Variants in ZNF462 observed in about 807,000 individuals in gnomAD.
The protein encoded by ZNF462 is zinc finger PBX1-interacting protein.
ZNF462 carries 10 observed loss-of-function variants against 201.9 expected under a neutral mutation model. The ratio of observed to expected loss-of-function variants is 0.05; its 90% confidence interval spans 0.03 to 0.08. ZNF462 has a LOEUF of 0.08. ZNF462 is among the 10% of genes least tolerant of loss of function. The pLI is 1.00. For synonymous variants in ZNF462, 1,227 were observed against 1,193.3 expected, an observed-to-expected ratio of 1.03 and a Z score of -0.58; for missense variants, 2,523 against 3,168.3, an observed-to-expected ratio of 0.80 and a Z score of 4.89.
intron 7 of ZNF462, among the ~76,000 whole-genome samples, chr9:106,940,213 A>G (rs1371796865): frequency 6.6e-6 from 1 of 152,212 alleles, no homozygotes; most frequent in Non-Finnish European, 1.5e-5. Flanking sequence ...ATTAATGAGA[A>G]AAGATACGCA....
rs1021921951 is a variant in ZNF462 at position 106,945,510 on chromosome 9, A to G, written c.6427+6403A>G. Among the ~76,000 whole-genome samples the G allele has an allele frequency of 3.9e-5, 6 of 152,334 alleles. No homozygotes were observed. In the East Asian group the frequency reaches 1.2e-3, roughly 29 times the overall value. On this transcript the variant is annotated intron_variant, in intron 7 of 12. Transcript: ENST00000277225. The stretch of plus-strand genomic sequence containing the variant: ...AAAGAAAAAATGAGGTGGTTTCTTT[A>G]AAAACGACAATCATGAAATGGAGAC...
At chr9:106,864,042 CTCTCTCTCTCTCTCTCTCTCTCTCT>C (rs1827183054) in intron 1 of ZNF462, among the ~76,000 whole-genome samples, 1 of 19,004 alleles carries the variant, frequency 5.3e-5, no homozygotes, top group African/African-American at 3.3e-4. Context: ...GTATTTGGCT[CTCTCTCTCTCTCTCTCTCTCTCTCT>C]CTCTCTCTCT....
rs10978673 is a variant in ZNF462 at position 106,920,590 on chromosome 9, A to T, written c.-30-2764A>T. ...ACATTAAAGCTAGAACCCATTAGGAAATCACTTTCATCATCTCTTCTTTTT... is the reference window on the plus strand; with the variant it reads ...ACATTAAAGCTAGAACCCATTAGGATATCACTTTCATCATCTCTTCTTTTT... On this transcript the variant is annotated intron_variant, in intron 1 of 12. Coordinates refer to ENST00000277225, the MANE Select transcript of ZNF462 (RefSeq NM_021224.6). The surrounding 1 kb of genome is among the most constrained non-coding windows in gnomAD (Gnocchi z 4.3). Among the ~76,000 whole-genome samples, 19,380 of 152,180 alleles carry T rather than the reference A, an allele frequency of 0.13. 1,296 individuals carry two copies. Among genetic ancestry groups the T allele is most frequent in the South Asian group, 0.19 (906 of 4,828 alleles).
At chr9:106,949,360 A>T (rs533893276) in intron 7 of ZNF462, among the ~76,000 whole-genome samples, 5 of 152,214 alleles carry the variant, frequency 3.3e-5, no homozygotes, top group African/African-American at 1.2e-4. Flanking sequence ...AACCGCACAC[A>T]AGGAAAGCCA....
rs745839801 is a variant in ZNF462 at position 106,926,924 on chromosome 9, C to A, written c.3012C>A (p.Phe1004Leu). The A allele has an allele frequency of 8.1e-6, 13 of 1,613,996 alleles. No individual in the cohort carries two copies. In the Admixed American group the frequency reaches 2.2e-4, roughly 27 times the overall value. Residue 1004 changes from phenylalanine to leucine, a missense_variant, in exon 3 of 13, where the codon TTC becomes TTA. Physicochemically the swap from Phe to Leu is conservative, Grantham distance 22. Coordinates refer to ENST00000277225, the MANE Select transcript of ZNF462 (RefSeq NM_021224.6). This position sits in a 1 kb window ranked among gnomAD's most constrained non-coding sequence, Gnocchi z 7.9. The stretch of plus-strand genomic sequence containing the variant: ...GTGGTGGTGGTTTGCCAGCTACGTT[C>A]AACAAAAACACTCCTAAGACCTTTA... ...VARGGGLPAT[F>L]NKNTPKTFTP... is the part of the protein sequence containing the mutation.
rs979937592 is a variant in ZNF462, at chr9:106,977,461, T to A, written c.6832+3188T>A. On this transcript the variant is annotated intron_variant, in intron 9 of 12. Transcript: ENST00000277225. The surrounding 1 kb of genome is among the most constrained non-coding windows in gnomAD (Gnocchi z 4.6). Reference sequence around the variant, plus strand: ...TGCTTTTTGTCTGTATAAATTGATATATTTAAGTAGAGAGAGAATCTACTT... The same window carrying A: ...TGCTTTTTGTCTGTATAAATTGATAAATTTAAGTAGAGAGAGAATCTACTT... Among the ~76,000 whole-genome samples, 6 of 151,660 alleles carry A rather than the reference T, an allele frequency of 4.0e-5. No homozygotes were observed. Among genetic ancestry groups the A allele is most frequent in the Non-Finnish European group, 8.8e-5 (6 of 68,044 alleles).
chr9:106,959,475 A>G (rs376338375), intron 7 of ZNF462, among the ~76,000 whole-genome samples: 1 of 152,056 alleles, frequency 6.6e-6, no homozygotes. Context: ...CCTTGGAAGC[A>G]CTCACTATGT....
rs1331094480 is a variant in ZNF462 at position 106,968,899 on chromosome 9, T to G, written c.6428-3106T>G. Among the ~76,000 whole-genome samples the G allele has an allele frequency of 2.6e-5, 4 of 152,190 alleles. No homozygotes were observed. The highest frequency in any genetic ancestry group is 9.6e-5 in the African/African-American group (4 of 41,454). ...TAACAATCTGTTTGCCTTTCTAACC[T>G]GGGCACAGAACGACCTCCTTCCTGC... On this transcript the variant is annotated intron_variant, in intron 7 of 12. Transcript: ENST00000277225. The surrounding 1 kb of genome is among the most constrained non-coding windows in gnomAD (Gnocchi z 4.0).
chr9:107,004,561 A>G (rs1250064986), intron 11 of ZNF462, among the ~76,000 whole-genome samples: 1 of 152,064 alleles, frequency 6.6e-6, no homozygotes, highest in Non-Finnish European at 1.5e-5. Flanking sequence ...TAACTTTAAA[A>G]CTTCAGATTT....
chr9:106,900,798 G>A (rs1043524548), intron 1 of ZNF462, among the ~76,000 whole-genome samples: 7 of 152,152 alleles, frequency 4.6e-5, no homozygotes, highest in African/African-American at 1.7e-4. Flanking sequence ...TTTGCCAGAT[G>A]TATAGATTGT....
upstream of ZNF462, chr9:106,863,056 GGA>G (rs1827123802): frequency 5.1e-6 from 2 of 395,004 alleles, no homozygotes; most frequent in Non-Finnish European, 8.9e-6. Context: ...AGGGAGGAGA[GGA>G]GAGAGAAGAG....
chr9:106,936,484 A>G (rs1367910451), intron 6 of ZNF462, among the ~76,000 whole-genome samples: 1 of 152,062 alleles, frequency 6.6e-6, no homozygotes, highest in East Asian at 1.9e-4. Flanking sequence ...TGAGTGTTGG[A>G]TTTTGTTGAA....
rs1826686905 is a variant in ZNF462, at chr9:106,972,672, T to C, written c.6695+400T>C. Among the ~76,000 whole-genome samples, 1 of 152,188 alleles carries C rather than the reference T, an allele frequency of 6.6e-6. No homozygotes were observed. The highest frequency in any genetic ancestry group is 1.5e-5 in the Non-Finnish European group (1 of 68,038). On this transcript the variant is annotated intron_variant, in intron 8 of 12. Transcript: ENST00000277225. The surrounding 1 kb of genome is among the most constrained non-coding windows in gnomAD (Gnocchi z 4.8). ...AGAGAAAACATCCGGCAGTAGTGTC[T>C]TCCCTGCTCCCCTGATAGAAAATTC...
rs1276215934 is a variant in ZNF462 at position 106,870,214 on chromosome 9, G to A, written c.-31+6859G>A. Among the ~76,000 whole-genome samples, 1 of 152,124 alleles carries A rather than the reference G, an allele frequency of 6.6e-6. No individual in the cohort carries two copies. The highest frequency in any genetic ancestry group is 2.4e-5 in the African/African-American group (1 of 41,440). On this transcript the variant is annotated intron_variant, in intron 1 of 12. Coordinates refer to ENST00000277225, the MANE Select transcript of ZNF462 (RefSeq NM_021224.6). This position sits in a 1 kb window ranked among gnomAD's most constrained non-coding sequence, Gnocchi z 4.3. ...TACAAATGCATTGCCTTTTACTTCT[G>A]GTGAGCACATTACTTGGTGTCTTCA...
intron 10 of ZNF462, among the ~76,000 whole-genome samples, chr9:107,001,136 T>C (rs976831742): frequency 6.6e-6 from 1 of 152,186 alleles, no homozygotes; most frequent in Admixed American, 6.5e-5. Context: ...CAGGAAAGGC[T>C]GCCTTTTATG....
At chr9:107,002,857 T>C (rs896187681) in intron 10 of ZNF462, among the ~76,000 whole-genome samples, 2 of 152,212 alleles carry the variant, frequency 1.3e-5, no homozygotes, top group African/African-American at 4.8e-5. Flanking sequence ...GAAGGTTGTA[T>C]TGTGTCTCAC....
At chr9:106,909,549 C>T (rs1829454459) in intron 1 of ZNF462, among the ~76,000 whole-genome samples, 1 of 152,146 alleles carries the variant, frequency 6.6e-6, no homozygotes. Flanking sequence ...ATGCTGCATT[C>T]TCTGACTATG....
At position 106,972,661 on chromosome 9, in the gene ZNF462, G is replaced by T. The variant is rs956791549; in HGVS notation, c.6695+389G>T. 6.6e-6 allele frequency among the ~76,000 whole-genome samples: 1 copy of T among 152,090 alleles called. No homozygotes were observed. Among genetic ancestry groups the T allele is most frequent in the Admixed American group, 6.6e-5 (1 of 15,260 alleles). On this transcript the variant is annotated intron_variant, in intron 8 of 12. Transcript: ENST00000277225. The surrounding 1 kb of genome is among the most constrained non-coding windows in gnomAD (Gnocchi z 4.8). ...AGTCAAAGTCAAGAGAAAACATCCG[G>T]CAGTAGTGTCTTCCCTGCTCCCCTG...
At chr9:106,889,425 C>T (rs139710340) in intron 1 of ZNF462, among the ~76,000 whole-genome samples, 11 of 152,202 alleles carry the variant, frequency 7.2e-5, no homozygotes, top group African/African-American at 2.2e-4. Context: ...GGTATAGGTA[C>T]GGGGGAGTCT....
Sources: gnomAD v4.1 joint callset for allele counts (sites outside exome capture counted in the v4.1 genomes callset) on GRCh38, gnomAD v4.1.1 for gene constraint, Gnocchi (gnomAD v3.1) non-coding constraint, MANE v1.5 for transcripts, NCBI Gene and HGNC (gene_info 2026-07-23, HGNC 2026-07-21) for gene names.